Variants in CDIN1 observed in about 807,000 individuals in gnomAD.
CDIN1 encodes CDAN1 interacting nuclease 1.
A neutral mutation model predicts 45.3 loss-of-function variants in CDIN1; 33 were observed. The observed-to-expected ratio is 0.73, with a 90% CI of 0.55 to 0.97. CDIN1 has a LOEUF of 0.97. Among genes scored for constraint, CDIN1 ranks in the 50% least tolerant of loss-of-function variants. CDIN1 has a pLI of 0.00. For missense variants in CDIN1, 303 were observed against 339.4 expected (o/e 0.89, Z 0.84); for synonymous variants, 118 against 124.4 (o/e 0.95, Z 0.34).
At chr15:36,717,159 T>C (rs889341341) in intron 10 of CDIN1, among the ~76,000 whole-genome samples, 2 of 152,166 alleles carry the variant, frequency 1.3e-5, no homozygotes, top group Non-Finnish European at 2.9e-5. Flanking sequence ...TTCTGTATTT[T>C]AAAAAACAAC....
At chr15:36,623,702 G>T (rs2039302127) in intron 1 of CDIN1, among the ~76,000 whole-genome samples, 1 of 152,214 alleles carries the variant, frequency 6.6e-6, no homozygotes, top group South Asian at 2.1e-4. Flanking sequence ...CGACTTTCTG[G>T]TCCTGTGGTA....
At chr15:36,634,871 C>G (rs188129865) in intron 1 of CDIN1, among the ~76,000 whole-genome samples, 307 of 152,162 alleles carry the variant, frequency 2.0e-3, no homozygotes, top group African/African-American at 6.3e-3. Context: ...TTGTTTTTTC[C>G]ATCACTTCCT....
intron 10 of CDIN1, among the ~76,000 whole-genome samples, chr15:36,754,016 C>T (rs548667452): frequency 4.6e-5 from 7 of 152,214 alleles, no homozygotes; most frequent in South Asian, 2.1e-4. Flanking sequence ...GGGTTCAAAA[C>T]GTAAGAAAGC....
intron 10 of CDIN1, among the ~76,000 whole-genome samples, chr15:36,711,414 CAATT>C (rs144653180): frequency 0.019 from 2,878 of 152,212 alleles, 111 homozygotes; most frequent in African/African-American, 0.065. Flanking sequence ...TAAAACAACT[CAATT>C]ATTTATTGAA....
intron 5 of CDIN1, among the ~76,000 whole-genome samples, chr15:36,682,767 CAAAAAAAA>C (rs10706117): frequency 2.6e-4 from 16 of 61,390 alleles, no homozygotes; most frequent in South Asian, 6.4e-4. Flanking sequence ...AAGACCCTGC[CAAAAAAAA>C]AAAAAAAAAA....
rs2043444199 is a variant in CDIN1 at position 36,722,165 on chromosome 15, T to A, written c.716+12204T>A. 2.0e-5 allele frequency among the ~76,000 whole-genome samples: 3 copies of A among 152,192 alleles called. No homozygotes were observed. In the South Asian group the frequency reaches 6.2e-4, roughly 31 times the overall value. On this transcript the variant is annotated intron_variant, in intron 10 of 10. Coordinates refer to ENST00000566621, the MANE Select transcript of CDIN1 (RefSeq NM_001321759.2). ...TGATTTTAACACATAGTTTAACAGA[T>A]TTGTGTAAACCAGTTTGTCTTAAAA...
In CDIN1 at chr15:36,732,635, G is replaced by A. The variant is rs538844584; in HGVS notation, c.716+22674G>A. On this transcript the variant is annotated intron_variant, in intron 10 of 10. Transcript: ENST00000566621. The stretch of plus-strand genomic sequence containing the variant: ...ATAAAATAAATATATAAGTTCATAG[G>A]GAAAGAAAGATTTAAAGAGGGATAT... 1.2e-4 allele frequency among the ~76,000 whole-genome samples: 18 copies of A among 151,952 alleles called. No homozygotes were observed. In the South Asian group the frequency reaches 3.7e-3, roughly 32 times the overall value.
At chr15:36,752,294 T>C (rs1171785458) in intron 10 of CDIN1, among the ~76,000 whole-genome samples, 2 of 152,234 alleles carry the variant, frequency 1.3e-5, no homozygotes, top group Non-Finnish European at 2.9e-5. Flanking sequence ...CAATGTTTAA[T>C]TGATGACTCA....
rs542913515 is a variant in CDIN1 at position 36,612,415 on chromosome 15, G to A, written c.102-31863G>A. 1.3e-4 allele frequency among the ~76,000 whole-genome samples: 20 copies of A among 152,224 alleles called. No individual in the cohort carries two copies. The East Asian group carries it at 1.5e-3, about 12-fold the overall frequency. ...CTGGGAAAGACAAACATTTCTGTACGGTATAATCCACAGTTATTTGGGATT... is the reference window on the plus strand; with the variant it reads ...CTGGGAAAGACAAACATTTCTGTACAGTATAATCCACAGTTATTTGGGATT... On this transcript the variant is annotated intron_variant, in intron 1 of 10. Coordinates refer to ENST00000566621, the MANE Select transcript of CDIN1 (RefSeq NM_001321759.2).
At chr15:36,662,226 A>G (rs2041044172) in intron 5 of CDIN1, among the ~76,000 whole-genome samples, 1 of 152,192 alleles carries the variant, frequency 6.6e-6, no homozygotes, top group East Asian at 1.9e-4. Context: ...TGAGCCATAC[A>G]GTTGAATGTA....
At chr15:36,763,939 G>A (rs1486230406) in intron 10 of CDIN1, among the ~76,000 whole-genome samples, 2 of 152,172 alleles carry the variant, frequency 1.3e-5, no homozygotes, top group Admixed American at 6.5e-5. Flanking sequence ...GCCTGTATAA[G>A]TCTGGTGACT....
chr15:36,727,284 G>C (rs1731839056), intron 10 of CDIN1, among the ~76,000 whole-genome samples: 1 of 148,894 alleles, frequency 6.7e-6, no homozygotes, highest in South Asian at 2.1e-4. Flanking sequence ...CCAAATTTAA[G>C]TTAATTAGAA....
At chr15:36,698,874 T>C (rs1011515294) in intron 8 of CDIN1, among the ~76,000 whole-genome samples, 10 of 152,190 alleles carry the variant, frequency 6.6e-5, no homozygotes, top group African/African-American at 2.4e-4. Context: ...GCAAAGGTTG[T>C]AGATGTGGGC....
At chr15:36,594,817 A>C in intron 1 of CDIN1, 1 of 745,224 alleles carries the variant, frequency 1.3e-6, no homozygotes, top group Non-Finnish European at 1.6e-6. Flanking sequence ...CGGCACTTAA[A>C]ATTTTTTTTT....
At chr15:36,734,148 G>A (rs1385698014) in intron 10 of CDIN1, among the ~76,000 whole-genome samples, 1 of 151,954 alleles carries the variant, frequency 6.6e-6, no homozygotes, top group Non-Finnish European at 1.5e-5. Flanking sequence ...TACTCTTTTT[G>A]ATTCACAGAT....
intron 5 of CDIN1, among the ~76,000 whole-genome samples, chr15:36,681,532 A>T (rs2041851213): frequency 6.6e-6 from 1 of 152,192 alleles, no homozygotes; most frequent in Non-Finnish European, 1.5e-5. Context: ...AATTGGTTAA[A>T]GGCATATATT....
intron 1 of CDIN1, among the ~76,000 whole-genome samples, chr15:36,582,024 G>A (rs940969333): frequency 3.3e-5 from 5 of 152,224 alleles, no homozygotes; most frequent in African/African-American, 1.2e-4. Flanking sequence ...AAGTCTGTAA[G>A]ATTTGAAGCT....
rs928966893 is a variant in CDIN1, at chr15:36,808,270, T to G, written c.717-54T>G. 3 of 1,593,634 alleles carry G rather than the reference T, an allele frequency of 1.9e-6. No homozygotes were observed. In the African/African-American group the frequency reaches 4.0e-5, roughly 21 times the overall value. The stretch of plus-strand genomic sequence containing the variant: ...TTATCAGTGCCCCAAGGTGACTTTT[T>G]TCAAGAGCTCTGTTGATACCATGTG... On this transcript the variant is annotated intron_variant, in intron 10 of 10. Coordinates refer to ENST00000566621, the MANE Select transcript of CDIN1 (RefSeq NM_001321759.2).
chr15:36,746,279 T>C (rs2044426247), intron 10 of CDIN1, among the ~76,000 whole-genome samples: 1 of 152,022 alleles, frequency 6.6e-6, no homozygotes, highest in African/African-American at 2.4e-5. Context: ...GGAGTGGAAA[T>C]AGTAGAGAGA....
Sources: allele counts gnomAD v4.1 joint callset (sites outside exome capture counted in the v4.1 genomes callset), GRCh38; gene constraint gnomAD v4.1.1; transcripts MANE v1.5; gene names NCBI Gene and HGNC (gene_info 2026-07-23, HGNC 2026-07-21).